ZSCAN20: variants seen among roughly 807,000 people sequenced by gnomAD.
ZSCAN20 encodes the protein zinc finger and SCAN domain containing 20.
In ZSCAN20, 39 loss-of-function variants were observed where a neutral mutation model predicts 97.1. The observed-to-expected ratio is 0.40, with a 90% CI of 0.31 to 0.52. The LOEUF is 0.52. Among genes scored for constraint, ZSCAN20 ranks in the 20% least tolerant of loss-of-function variants. ZSCAN20 has a pLI of 0.49. For synonymous variants in ZSCAN20, 456 were observed against 467.3 expected, an observed-to-expected ratio of 0.98 and a Z score of 0.31; for missense variants, 1,115 against 1,290.4, an observed-to-expected ratio of 0.86 and a Z score of 2.08.
At chr1:33,473,665 CTTT>C (rs1651815395) in intron 1 of ZSCAN20, among the ~76,000 whole-genome samples, 1 of 152,142 alleles carries the variant, frequency 6.6e-6, no homozygotes, top group South Asian at 2.1e-4. Flanking sequence ...AAGAGAACTT[CTTT>C]AACTTAAAAA....
At position 33,479,231 on chromosome 1, in the gene ZSCAN20, A is replaced by G. The variant is rs1570546417; in HGVS notation, c.-58A>G. The G allele has an allele frequency of 6.6e-7, 1 of 1,519,426 alleles. No homozygotes were observed. The allele number at this position is 1,519,426 out of a possible 1,614,324, so 94.1% of individuals were successfully genotyped here. ...GAGCCTCTTGAAGGACTCACCGTAG[A>G]TGCAGGAAGACATTGGATGAGGTCA... On this transcript the variant is annotated 5_prime_UTR_variant, in exon 2 of 8. An upstream start codon of the reference 5' UTR is lost. Coordinates refer to ENST00000684572, the MANE Select transcript of ZSCAN20 (RefSeq NM_001377376.1).
chr1:33,488,676 G>A (rs764123801), intron 3 of ZSCAN20, 25 bp downstream of exon 3: 2 of 1,597,612 alleles, frequency 1.3e-6, no homozygotes, highest in South Asian at 2.3e-5. Context: ...GAACATTAGG[G>A]AATGAGGCCT....
In ZSCAN20 at chr1:33,479,790, A is replaced by C; in HGVS notation, c.417+85A>C. The C allele has an allele frequency of 3.8e-6, 5 of 1,328,674 alleles. No individual in the cohort carries two copies. In the South Asian group the frequency reaches 5.0e-5, roughly 13 times the overall value. The allele number at this position is 1,328,674 out of a possible 1,614,324, so 82.3% of individuals were successfully genotyped here. A position where few individuals can be genotyped will look rare whatever the true frequency, so the allele number is the denominator to read the frequency against. On this transcript the variant is annotated intron_variant, in intron 2 of 7. Transcript: ENST00000684572. ...CTACGTTAATAATTGCCAAATTCAC[A>C]ATAAAAATAACAATAGTTATTGAGA...
rs147160252 is a variant in ZSCAN20, at chr1:33,482,007, T to G, written c.417+2302T>G. 2.2e-3 allele frequency among the ~76,000 whole-genome samples: 330 copies of G among 152,314 alleles called. 2 individuals are homozygous for G. Among genetic ancestry groups the G allele is most frequent in the African/African-American group, 7.5e-3 (310 of 41,566 alleles). On this transcript the variant is annotated intron_variant, in intron 2 of 7. Transcript: ENST00000684572. ...ACATCCCTGCACCAGAGCAATATGTTTATTACCATTGATGAACCTACAGTG... is the reference window on the plus strand; with the variant it reads ...ACATCCCTGCACCAGAGCAATATGTGTATTACCATTGATGAACCTACAGTG...
intron 2 of ZSCAN20, among the ~76,000 whole-genome samples, chr1:33,484,606 G>A (rs1176560171): frequency 6.7e-6 from 1 of 148,866 alleles, no homozygotes; most frequent in African/African-American, 2.5e-5. Context: ...ATATTTTATT[G>A]AGGATTTTGC....
intron 1 of ZSCAN20, among the ~76,000 whole-genome samples, chr1:33,478,389 G>C (rs1652014599): frequency 6.6e-6 from 1 of 152,036 alleles, no homozygotes; most frequent in Non-Finnish European, 1.5e-5. Flanking sequence ...CCAGGTTTCT[G>C]GTGTGGAGAA....
At chr1:33,474,082 G>A (rs980480479) in intron 1 of ZSCAN20, among the ~76,000 whole-genome samples, 14 of 152,186 alleles carry the variant, frequency 9.2e-5, no homozygotes, top group African/African-American at 3.4e-4. Context: ...AGCCAGGGGT[G>A]ACAAATACAT....
At chr1:33,485,561 C>T (rs1652331614) in intron 2 of ZSCAN20, among the ~76,000 whole-genome samples, 1 of 147,888 alleles carries the variant, frequency 6.8e-6, no homozygotes, top group Admixed American at 6.8e-5. Context: ...GACCACACCA[C>T]CATGCCCAGC....
In ZSCAN20 at chr1:33,493,713, G is replaced by C; in HGVS notation, c.1873+98G>C. The C allele has an allele frequency of 1.6e-6, 2 of 1,219,878 alleles. No homozygotes were observed. Among genetic ancestry groups the C allele is most frequent in the Non-Finnish European group, 2.3e-6 (2 of 884,106 alleles). 75.6% of individuals were successfully genotyped at this position (1,219,878 alleles called of 1,614,324 possible). ...TCTTTTGTCTCTTAACTAAAAGAGA[G>C]AATGGGATTGAATGGGAAAAAGTAT... On this transcript the variant is annotated intron_variant, in intron 7 of 7. Transcript: ENST00000684572. This position sits in a 1 kb window ranked among gnomAD's most constrained non-coding sequence, Gnocchi z 4.3.
chr1:33,479,217 AG>A lies in ZSCAN20; in HGVS notation c.-70del. 1 of 1,484,490 alleles carries A rather than the reference AG, an allele frequency of 6.7e-7. No homozygotes were observed. Among genetic ancestry groups the A allele is most frequent in the Non-Finnish European group, 9.1e-7 (1 of 1,102,716 alleles). The allele number at this position is 1,484,490 out of a possible 1,614,324, so 92.0% of individuals were successfully genotyped here. On this transcript the variant is annotated 5_prime_UTR_variant, in exon 2 of 8. Coordinates refer to ENST00000684572, the MANE Select transcript of ZSCAN20 (RefSeq NM_001377376.1). ...AGTCCCTTTTCTAGGAGCCTCTTGA[AG>A]GACTCACCGTAGATGCAGGAAGACA...
intron 5 of ZSCAN20, among the ~76,000 whole-genome samples, chr1:33,490,684 C>CACACACACACACACACACACA (rs57345949): frequency 7.8e-6 from 1 of 127,922 alleles, no homozygotes; most frequent in South Asian, 3.0e-4. Context: ...CACACACACA[C>CACACACACACACACACACACA]CACACACCCT....
chr1:33,491,618 T>C lies in ZSCAN20; in HGVS notation c.1360T>C (p.Cys454Arg). 1 of 1,614,166 alleles carries C rather than the reference T, an allele frequency of 6.2e-7. No homozygotes were observed. Among genetic ancestry groups the C allele is most frequent in the Non-Finnish European group, 8.5e-7 (1 of 1,180,012 alleles). The part of the protein sequence containing the change: ...GWDPEEMAED[C>R]NGAGLVNVES... ...GGATCCTGAAGAAATGGCAGAAGAC[T>C]GTAACGGTGCTGGCCTGGTCAATGT... is the stretch of plus-strand genomic sequence containing the variant. The change falls in exon 6 of 8, where the codon TGT becomes CGT. Residue 454 changes from cysteine (C) to arginine (R), a missense_variant. Transcript: ENST00000684572. The surrounding 1 kb of genome is among the most constrained non-coding windows in gnomAD (Gnocchi z 4.3).
Position 33,494,516 on chromosome 1 carries a change from C to A in ZSCAN20, c.2172C>A (p.His724Gln). 1 of 1,614,222 alleles carries A rather than the reference C, an allele frequency of 6.2e-7. No individual in the cohort carries two copies. The highest frequency in any genetic ancestry group is 8.5e-7 in the Non-Finnish European group (1 of 1,180,046). The change falls in exon 8 of 8, where the codon CAC becomes CAA. Residue 724 changes from histidine (H) to glutamine (Q), a missense_variant. His to Gln is a conservative substitution (Grantham distance 24, BLOSUM62 0). Around this residue, in one of 3 missense-constraint regions of ZSCAN20, gnomAD observed 554 missense variants for 584.9 expected, o/e 0.95. Coordinates refer to ENST00000684572, the MANE Select transcript of ZSCAN20 (RefSeq NM_001377376.1). ...TGAAGAGCTTCAGTCGGAGCTCCCA[C>A]TTCATTGCCCATCAGCGAATCCACA... is the stretch of plus-strand genomic sequence containing the variant. ...TCMKSFSRSS[H>Q]FIAHQRIHTG...
chr1:33,493,382 A>T lies in ZSCAN20; in HGVS notation c.1640A>T (p.Tyr547Phe), dbSNP rs1652701279. The part of the protein sequence containing the change: ...RYRFKNLLRS[Y>F]RKAKSSHPPG... ...AGATTCAAAAACCTCCTTCGAAGCT[A>T]CCGGAAAGCCAAGAGCAGCCACCCA... Residue 547 changes from tyrosine to phenylalanine, a missense_variant, in exon 7 of 8, where the codon TAC becomes TTC. By Grantham distance (22) the Tyr-to-Phe change is conservative. Transcript: ENST00000684572. This position sits in a 1 kb window ranked among gnomAD's most constrained non-coding sequence, Gnocchi z 4.3. 6.2e-7 allele frequency: 1 copy of T among 1,614,072 alleles called. No individual in the cohort carries two copies. Among genetic ancestry groups the T allele is most frequent in the African/African-American group, 1.3e-5 (1 of 74,930 alleles).
In ZSCAN20 at chr1:33,495,592, C is replaced by G. The variant is rs779445397; in HGVS notation, c.*116C>G. ...CTTGGTGTGTACCCAGGGAAGTTAT[C>G]TTGGTATAAACCAGGTAATTTGGAA... On this transcript the variant is annotated 3_prime_UTR_variant, in exon 8 of 8. Coordinates refer to ENST00000684572, the MANE Select transcript of ZSCAN20 (RefSeq NM_001377376.1). 3.0e-6 allele frequency: 3 copies of G among 996,128 alleles called. No homozygotes were observed. The highest frequency in any genetic ancestry group is 1.6e-5 in the African/African-American group (1 of 61,756). The allele number at this position is 996,128 out of a possible 1,614,324, so 61.7% of individuals were successfully genotyped here.
chr1:33,478,790 G>C (rs924286005), intron 1 of ZSCAN20, among the ~76,000 whole-genome samples: 2 of 152,126 alleles, frequency 1.3e-5, no homozygotes, highest in Admixed American at 6.5e-5. Flanking sequence ...GTAGAAGGGA[G>C]GAAGTCTACA....
chr1:33,482,567 C>T (rs1353752910), intron 2 of ZSCAN20, among the ~76,000 whole-genome samples: 1 of 152,148 alleles, frequency 6.6e-6, no homozygotes, highest in Non-Finnish European at 1.5e-5. Context: ...ACCTAGTTTT[C>T]AGTTCATTTG....
chr1:33,475,785 G>T (rs1365306078), intron 1 of ZSCAN20, among the ~76,000 whole-genome samples: 4 of 150,586 alleles, frequency 2.7e-5, no homozygotes, highest in African/African-American at 9.8e-5. Context: ...TCAGCCTCCC[G>T]AGTAGCTGGG....
Position 33,493,750 on chromosome 1 carries a change from T to G in ZSCAN20, c.1873+135T>G. 1.0e-6 allele frequency: 1 copy of G among 1,003,780 alleles called. No individual in the cohort carries two copies. The highest frequency in any genetic ancestry group is 2.6e-5 in the East Asian group (1 of 39,134). 62.2% of individuals were successfully genotyped at this position (1,003,780 alleles called of 1,614,324 possible). A position where few individuals can be genotyped will look rare whatever the true frequency, so the allele number is the denominator to read the frequency against. On this transcript the variant is annotated intron_variant, in intron 7 of 7. Coordinates refer to ENST00000684572, the MANE Select transcript of ZSCAN20 (RefSeq NM_001377376.1). This position sits in a 1 kb window ranked among gnomAD's most constrained non-coding sequence, Gnocchi z 4.3. ...ATGGGAAAAAGTATTTCTGCTTTGC[T>G]CAGATTATCCAGTCTCTAGCTTTGT...
Sources: allele counts gnomAD v4.1 joint callset (sites outside exome capture counted in the v4.1 genomes callset), GRCh38; gene constraint gnomAD v4.1.1; regional missense constraint gnomAD v4.1.1; non-coding constraint Gnocchi (gnomAD v3.1); transcripts MANE v1.5; gene names NCBI Gene and HGNC (gene_info 2026-07-23, HGNC 2026-07-21).